The following CYSLTR2 variants were observed in gnomAD, a reference collection of about 807,000 sequenced individuals.
CYSLTR2 encodes cysteinyl leukotriene receptor 2.
For missense variants in CYSLTR2, 398 were observed against 411.9 expected (o/e 0.97, Z 0.29); for synonymous variants, 179 against 160.8 (o/e 1.11, Z -0.86).
intron 1 of CYSLTR2, among the ~76,000 whole-genome samples, chr13:48,670,682 C>T (rs902835880): frequency 3.3e-5 from 5 of 152,088 alleles, no homozygotes; most frequent in African/African-American, 7.2e-5. Context: ...TTACTGTAGC[C>T]TTGTAGTATA....
intron 4 of CYSLTR2, among the ~76,000 whole-genome samples, chr13:48,703,433 G>A (rs1215223736): frequency 1.3e-5 from 2 of 152,154 alleles, no homozygotes; most frequent in East Asian, 3.8e-4. Context: ...TTACTATGAA[G>A]TATAATGTTA....
chr13:48,695,264 TCC>T lies in CYSLTR2; in HGVS notation c.-102-1261_-102-1260del, dbSNP rs1566100928. 2.1e-4 allele frequency among the ~76,000 whole-genome samples: 32 copies of T among 150,350 alleles called. No individual in the cohort carries two copies. In the Admixed American group the frequency reaches 2.3e-3, roughly 11 times the overall value. ...TAATCTTTTTCATTTTCTTTTTTTT[TCC>T]TTTTCTTTTTTTCCTTCTTTCCTTC... On this transcript the variant is annotated intron_variant, in intron 3 of 4. Coordinates refer to ENST00000682523, the MANE Select transcript of CYSLTR2 (RefSeq NM_001308476.3).
At chr13:48,668,430 G>A (rs937723930) in intron 1 of CYSLTR2, among the ~76,000 whole-genome samples, 1 of 152,066 alleles carries the variant, frequency 6.6e-6, no homozygotes, top group African/African-American at 2.4e-5. Flanking sequence ...TAGGCATAAA[G>A]AAGTGCAAAC....
In CYSLTR2 at chr13:48,708,915, C is replaced by T. The variant is rs1954573269; in HGVS notation, c.*1057C>T. On this transcript the variant is annotated 3_prime_UTR_variant, in exon 5 of 5. Transcript: ENST00000682523. ...GTCCACTGAAACAAGGCTAAGGATA[C>T]TACCAACTACTATCACCATGACCAT... 6.0e-6 allele frequency: 1 copy of T among 167,064 alleles called. No homozygotes were observed. The highest frequency in any genetic ancestry group is 2.4e-5 in the African/African-American group (1 of 41,450). The allele number at this position is 167,064 out of a possible 1,614,324, so 10.3% of individuals were successfully genotyped here. A position where few individuals can be genotyped will look rare whatever the true frequency, so the allele number is the denominator to read the frequency against.
rs116932219 is a variant in CYSLTR2, at chr13:48,707,125, A to C, written c.308A>C (p.Asn103Thr). Residue 103 changes from asparagine (N) to threonine (T), a missense_variant, in exon 5 of 5, where the codon AAT becomes ACT. Asn to Thr is a moderately conservative substitution (Grantham distance 65). Transcript: ENST00000682523. ...GCTGACTATTATCTTAGAGGCTCCA[A>C]TTGGATATTTGGAGACCTGGCCTGC... ...FRADYYLRGSNWIFGDLACRI... is the reference protein window; with the variant it reads ...FRADYYLRGSTWIFGDLACRI... 2.5e-6 allele frequency: 4 copies of C among 1,614,194 alleles called. No individual in the cohort carries two copies. Among genetic ancestry groups the C allele is most frequent in the Non-Finnish European group, 3.4e-6 (4 of 1,180,038 alleles).
At chr13:48,679,247 C>G (rs1388529035) in intron 1 of CYSLTR2, among the ~76,000 whole-genome samples, 7 of 152,130 alleles carry the variant, frequency 4.6e-5, no homozygotes, top group African/African-American at 1.7e-4. Flanking sequence ...AAAAAAACTC[C>G]CCTCATTCCC....
intron 1 of CYSLTR2, among the ~76,000 whole-genome samples, chr13:48,676,549 A>G (rs570970452): frequency 6.6e-6 from 1 of 152,366 alleles, no homozygotes; most frequent in East Asian, 1.9e-4. Context: ...TGATATAAAA[A>G]CAATGGAGAT....
At chr13:48,670,615 A>G (rs900012483) in intron 1 of CYSLTR2, among the ~76,000 whole-genome samples, 9 of 152,056 alleles carry the variant, frequency 5.9e-5, no homozygotes, top group Admixed American at 3.3e-4. Flanking sequence ...TCTGAGGCCT[A>G]TGTTCTGTTC....
chr13:48,701,600 G>A (rs559515853), intron 4 of CYSLTR2, among the ~76,000 whole-genome samples: 3 of 152,178 alleles, frequency 2.0e-5, no homozygotes, highest in Non-Finnish European at 4.4e-5. Context: ...AGTGGGCAAA[G>A]GATATGAACA....
chr13:48,693,328 A>G (rs939814433), intron 2 of CYSLTR2, 110 bp from the exon 3 acceptor site: 4 of 152,056 alleles, frequency 2.6e-5, no homozygotes, highest in Admixed American at 6.6e-5. Context: ...TAACTTATAT[A>G]TAATGCCTTT....
At chr13:48,657,352 A>G (rs1175606096) in intron 1 of CYSLTR2, among the ~76,000 whole-genome samples, 1 of 152,190 alleles carries the variant, frequency 6.6e-6, no homozygotes, top group Admixed American at 6.5e-5. Context: ...AAGAAATTCC[A>G]AAGTCGGAAG....
intron 4 of CYSLTR2, among the ~76,000 whole-genome samples, chr13:48,699,918 G>C (rs948115969): frequency 1.3e-5 from 2 of 152,158 alleles, no homozygotes; most frequent in African/African-American, 4.8e-5. Flanking sequence ...AGAAAATCTA[G>C]AAGAAATGGA....
intron 1 of CYSLTR2, among the ~76,000 whole-genome samples, chr13:48,671,439 G>T (rs186515869): frequency 8.8e-4 from 134 of 152,274 alleles, no homozygotes; most frequent in African/African-American, 3.2e-3. Context: ...TTATTATTTT[G>T]ACATATGTTC....
At chr13:48,699,752 C>T (rs1415462282) in intron 4 of CYSLTR2, among the ~76,000 whole-genome samples, 2 of 151,716 alleles carry the variant, frequency 1.3e-5, no homozygotes, top group Non-Finnish European at 2.9e-5. Context: ...AAAAGATCAA[C>T]AAAATTGATA....
At chr13:48,696,913 T>C (rs1954204647) in intron 4 of CYSLTR2, among the ~76,000 whole-genome samples, 1 of 152,146 alleles carries the variant, frequency 6.6e-6, no homozygotes, top group Non-Finnish European at 1.5e-5. Context: ...CGCTCACTGC[T>C]AGCATAACAG....
intron 4 of CYSLTR2, among the ~76,000 whole-genome samples, chr13:48,698,549 T>A (rs1456012319): frequency 6.6e-6 from 1 of 152,104 alleles, no homozygotes; most frequent in Non-Finnish European, 1.5e-5. Flanking sequence ...AACAACCAGT[T>A]CCAGCCACTG....
At chr13:48,657,541 A>G (rs1953028175) in intron 1 of CYSLTR2, among the ~76,000 whole-genome samples, 1 of 151,680 alleles carries the variant, frequency 6.6e-6, no homozygotes. Context: ...AAAAGGAGAG[A>G]GGAAAAGAGG....
chr13:48,656,874 G>T (rs529365408), intron 1 of CYSLTR2, among the ~76,000 whole-genome samples: 81 of 152,208 alleles, frequency 5.3e-4, no homozygotes, highest in Non-Finnish European at 8.1e-4. Context: ...ACAAAGAAAG[G>T]CAAGCATTTT....
At chr13:48,669,885 C>T (rs1953375406) in intron 1 of CYSLTR2, among the ~76,000 whole-genome samples, 1 of 152,188 alleles carries the variant, frequency 6.6e-6, no homozygotes. Flanking sequence ...CTAATTTACA[C>T]TCCCACCAAC....
Sources: gnomAD v4.1 joint callset for allele counts (sites outside exome capture counted in the v4.1 genomes callset) on GRCh38, gnomAD v4.1.1 for gene constraint, MANE v1.5 for transcripts, NCBI Gene and HGNC (gene_info 2026-07-23, HGNC 2026-07-21) for gene names.